The following REV3L variants were observed in gnomAD, a reference collection of about 807,000 sequenced individuals.
REV3L encodes the protein REV3 like, DNA directed polymerase zeta catalytic subunit.
REV3L carries 69 observed loss-of-function variants against 299.4 expected under a neutral mutation model. That is an observed-to-expected ratio of 0.23 (90% CI 0.19 to 0.28). The LOEUF is 0.28. Ranked by LOEUF, REV3L falls within the 10% of genes least tolerant of loss-of-function variation. REV3L has a pLI of 1.00. For synonymous variants in REV3L, 1,238 were observed against 1,271.4 expected (o/e 0.97, Z 0.56); for missense variants, 3,128 against 3,693.8 (o/e 0.85, Z 3.97).
chr6:111,480,576 T>C (rs570462305), intron 1 of REV3L, among the ~76,000 whole-genome samples: 28 of 152,254 alleles, frequency 1.8e-4, no homozygotes, highest in South Asian at 1.2e-3. Context: ...TTATGAAAAG[T>C]GTAAACTCTA....
intron 6 of REV3L, among the ~76,000 whole-genome samples, 186 bp from the exon 7 acceptor site, chr6:111,389,396 C>T (rs896248050): frequency 6.6e-6 from 1 of 152,124 alleles, no homozygotes; most frequent in African/African-American, 2.4e-5. Flanking sequence ...CCTAGTGGTT[C>T]CCCAAAATCC....
intron 17 of REV3L, among the ~76,000 whole-genome samples, 176 bp downstream of exon 17, chr6:111,358,646 A>G (rs1778337628): frequency 6.6e-6 from 1 of 152,136 alleles, no homozygotes; most frequent in African/African-American, 2.4e-5. Flanking sequence ...TGACTAATCC[A>G]AGTAAGAATA....
intron 1 of REV3L, among the ~76,000 whole-genome samples, chr6:111,458,552 G>T (rs868354373): frequency 1.3e-5 from 2 of 151,974 alleles, no homozygotes; most frequent in Admixed American, 6.6e-5. Context: ...CCACCAAAAG[G>T]CTCCTTGAAC....
chr6:111,482,387 C>T (rs1240863873), intron 1 of REV3L, among the ~76,000 whole-genome samples: 1 of 152,214 alleles, frequency 6.6e-6, no homozygotes, highest in African/African-American at 2.4e-5. Flanking sequence ...ACGAACCCGT[C>T]CACCGATGGA....
intron 13 of REV3L, 84 bp downstream of exon 13, chr6:111,372,512 C>A: frequency 9.3e-7 from 1 of 1,077,452 alleles, no homozygotes; most frequent in Non-Finnish European, 1.3e-6. Context: ...ATGTTGCATA[C>A]ATTCTTTTTT....
intron 22 of REV3L, among the ~76,000 whole-genome samples, chr6:111,334,779 T>C (rs1444680752): frequency 6.6e-6 from 1 of 152,142 alleles, no homozygotes; most frequent in Non-Finnish European, 1.5e-5. Context: ...ACAAACGTAG[T>C]TGGAACTCTA....
rs560577475 is a variant in REV3L at position 111,421,083 on chromosome 6, G to A, written c.140-4611C>T. The stretch of plus-strand genomic sequence containing the variant: ...GCGGAGGTTGCAGTGAGCCAAGATC[G>A]CGCCAATGCACTCCAGCCTGGGAGA... On this transcript the variant is annotated intron_variant, in intron 1 of 31. Transcript: ENST00000368802. Among the ~76,000 whole-genome samples, 396 of 152,186 alleles carry A rather than the reference G, an allele frequency of 2.6e-3. 2 individuals are homozygous for A. The highest frequency in any genetic ancestry group is 3.8e-3 in the Non-Finnish European group (256 of 68,014).
chr6:111,328,152 A>G (rs944978589), intron 25 of REV3L, among the ~76,000 whole-genome samples: 1 of 152,248 alleles, frequency 6.6e-6, no homozygotes, highest in Admixed American at 6.5e-5. Flanking sequence ...TCATTCTATG[A>G]AAAATGTCTT....
chr6:111,448,417 C>T (rs1208107787), intron 1 of REV3L, among the ~76,000 whole-genome samples: 1 of 151,842 alleles, frequency 6.6e-6, no homozygotes, highest in Non-Finnish European at 1.5e-5. Context: ...TGGCTCACTG[C>T]AACCTCTGCC....
chr6:111,438,740 C>T (rs1016309678), intron 1 of REV3L, among the ~76,000 whole-genome samples: 3 of 152,062 alleles, frequency 2.0e-5, no homozygotes, highest in Non-Finnish European at 4.4e-5. Context: ...TATTTAGAGT[C>T]CTGGGTTGAT....
At chr6:111,305,811 G>A (rs1175995983) in intron 31 of REV3L, among the ~76,000 whole-genome samples, 1 of 151,982 alleles carries the variant, frequency 6.6e-6, no homozygotes, top group African/African-American at 2.4e-5. Flanking sequence ...CTAGGATCCA[G>A]CAAGGGAATT....
intron 1 of REV3L, among the ~76,000 whole-genome samples, chr6:111,425,481 C>T (rs561119278): frequency 6.6e-6 from 1 of 151,966 alleles, no homozygotes; most frequent in African/African-American, 2.4e-5. Flanking sequence ...AGAATAGAGA[C>T]TATACAAAAT....
At chr6:111,393,983 A>C (rs1782208734) in intron 4 of REV3L, among the ~76,000 whole-genome samples, 1 of 152,250 alleles carries the variant, frequency 6.6e-6, no homozygotes, top group Non-Finnish European at 1.5e-5. Flanking sequence ...ATGGTAGAAT[A>C]TAATTCCATT....
At chr6:111,326,536 A>C (rs1312432709) in intron 25 of REV3L, among the ~76,000 whole-genome samples, 4 of 152,128 alleles carry the variant, frequency 2.6e-5, no homozygotes, top group Non-Finnish European at 4.4e-5. Flanking sequence ...ATGTAGAACA[A>C]TATAGGATGC....
At chr6:111,422,578 A>G (rs1330339502) in intron 1 of REV3L, among the ~76,000 whole-genome samples, 10 of 24,914 alleles carry the variant, frequency 4.0e-4, no homozygotes, top group African/African-American at 6.6e-4. Context: ...ATATATATAC[A>G]CATATATATA....
Position 111,380,166 on chromosome 6 carries a change from C to T in REV3L, c.1270G>A (p.Asp424Asn). 1 of 1,614,118 alleles carries T rather than the reference C, an allele frequency of 6.2e-7. No individual in the cohort carries two copies. The highest frequency in any genetic ancestry group is 8.5e-7 in the Non-Finnish European group (1 of 1,180,006). The change falls in exon 11 of 32, where the codon GAT becomes AAT. Residue 424 changes from aspartate to asparagine, a missense_variant. This residue lies in a region of REV3L where 2,409 missense variants were observed against 2,611.8 expected (regional missense o/e 0.92). Coordinates refer to ENST00000368802, the MANE Select transcript of REV3L (RefSeq NM_001372078.1). ...LVHLLAGLES[D>N]GYRGERNRMP... is the part of the protein sequence containing the mutation. ...CTATTTCTTTCCCCCCGATATCCAT[C>T]ACTTTCCAAACCAGCAAGAAGATGT...
chr6:111,368,078 C>A, intron 13 of REV3L, 50 bp from the exon 14 acceptor site: 1 of 1,460,624 alleles, frequency 6.8e-7, no homozygotes, highest in Non-Finnish European at 9.2e-7. Context: ...GAGCAATTAC[C>A]AAAATATTTA....
chr6:111,408,960 C>G (rs1157317019), intron 3 of REV3L, among the ~76,000 whole-genome samples: 1 of 152,184 alleles, frequency 6.6e-6, no homozygotes, highest in Non-Finnish European at 1.5e-5. Flanking sequence ...GCTGGAATTA[C>G]AAGTGTGAGC....
At chr6:111,411,661 T>C in intron 2 of REV3L, 107 bp from the exon 3 acceptor site, 1 of 731,120 alleles carries the variant, frequency 1.4e-6, no homozygotes, top group Non-Finnish European at 2.2e-6. Context: ...GTCTTACGTT[T>C]AATATTATCC....
Sources: gnomAD v4.1 joint callset for allele counts (sites outside exome capture counted in the v4.1 genomes callset) on GRCh38, gnomAD v4.1.1 for gene constraint, gnomAD v4.1.1 regional missense constraint, MANE v1.5 for transcripts, NCBI Gene and HGNC (gene_info 2026-07-23, HGNC 2026-07-21) for gene names.